Variants in JAM3 observed in about 807,000 individuals in gnomAD.
The protein encoded by JAM3 is junctional adhesion molecule C.
In JAM3, 31 loss-of-function variants were observed where a neutral mutation model predicts 39.4. That is an observed-to-expected ratio of 0.79 (90% CI 0.59 to 1.06). The LOEUF (loss-of-function observed/expected upper bound fraction) is 1.06, where lower values mean the gene tolerates loss of function less well. JAM3 is among the 50% of genes least tolerant of loss of function. JAM3 has a pLI of 0.00. For synonymous variants in JAM3, 182 were observed against 148.7 expected (o/e 1.22, Z -1.63); for missense variants, 455 against 391.4 (o/e 1.16, Z -1.37).
chr11:134,133,366 G>C (rs1485542596), intron 1 of JAM3, among the ~76,000 whole-genome samples: 1 of 152,132 alleles, frequency 6.6e-6, no homozygotes, highest in Non-Finnish European at 1.5e-5. Context: ...TCGTTGTCTT[G>C]TTCCTGATTG....
At chr11:134,069,218 C>T (rs1591763775) in intron 1 of JAM3, 59 bp downstream of exon 1, 11 of 1,575,388 alleles carry the variant, frequency 7.0e-6, no homozygotes, top group East Asian at 2.3e-5. Context: ...GGAAGCAGAG[C>T]GGGCCGAAGC....
chr11:134,096,388 G>A (rs886576325), intron 1 of JAM3, among the ~76,000 whole-genome samples: 1 of 152,242 alleles, frequency 6.6e-6, no homozygotes, highest in African/African-American at 2.4e-5. Flanking sequence ...CCATCCAGAA[G>A]GCCTGGGTCT....
chr11:134,144,339 G>A lies in JAM3; in HGVS notation c.355G>A (p.Ala119Thr), dbSNP rs764938157. 6.2e-7 allele frequency: 1 copy of A among 1,614,226 alleles called. No individual in the cohort carries two copies. Among genetic ancestry groups the A allele is most frequent in the South Asian group, 1.1e-5 (1 of 91,088 alleles). The change falls in exon 4 of 9, where the codon GCT (alanine) becomes ACT (threonine). Residue 119 changes from alanine (A) to threonine (T), a missense_variant. Coordinates refer to ENST00000299106, the MANE Select transcript of JAM3 (RefSeq NM_032801.5). ...DSALYRCEVV[A>T]RNDRKEIDEI... ...AGCCCTTTATCGCTGTGAGGTCGTT[G>A]CTCGAAATGACCGCAAGGAAATTGA...
At chr11:134,115,176 C>T (rs1015909562) in intron 1 of JAM3, among the ~76,000 whole-genome samples, 1 of 152,080 alleles carries the variant, frequency 6.6e-6, no homozygotes, top group African/African-American at 2.4e-5. Flanking sequence ...CTGAAATATA[C>T]TTTGATACTA....
intron 1 of JAM3, among the ~76,000 whole-genome samples, chr11:134,124,917 G>C (rs907868482): frequency 6.6e-6 from 1 of 152,214 alleles, no homozygotes; most frequent in Admixed American, 6.5e-5. Flanking sequence ...AGCGGGGACC[G>C]GGCATTGAAG....
At chr11:134,132,852 G>A (rs1445226128) in intron 1 of JAM3, among the ~76,000 whole-genome samples, 5 of 152,162 alleles carry the variant, frequency 3.3e-5, no homozygotes, top group African/African-American at 9.7e-5. Context: ...TTGGCACTGA[G>A]CCTCCAATGA....
rs764201146 is a variant in JAM3, at chr11:134,149,705, G to A, written c.*524G>A. On this transcript the variant is annotated 3_prime_UTR_variant, in exon 9 of 9. Coordinates refer to ENST00000299106, the MANE Select transcript of JAM3 (RefSeq NM_032801.5). The stretch of plus-strand genomic sequence containing the variant: ...TTCTTCTTAAAGGCTCTGCTGATCG[G>A]TGTTGCAGTGTCCATTGTGGAGAAG... The A allele has an allele frequency of 3.3e-5, 15 of 455,938 alleles. No homozygotes were observed. In the Middle Eastern group the frequency reaches 3.3e-3, roughly 99 times the overall value. 28.2% of individuals were successfully genotyped at this position (455,938 alleles called of 1,614,324 possible). A position where few individuals can be genotyped will look rare whatever the true frequency, so the allele number is the denominator to read the frequency against.
chr11:134,150,685 A>C lies in JAM3; in HGVS notation c.*1504A>C, dbSNP rs1347653976. 2 of 152,094 alleles carry C rather than the reference A, an allele frequency of 1.3e-5. No homozygotes were observed. Among genetic ancestry groups the C allele is most frequent in the Non-Finnish European group, 2.9e-5 (2 of 68,022 alleles). The allele number at this position is 152,094 out of a possible 1,614,324, so 9.4% of individuals were successfully genotyped here. A position where few individuals can be genotyped will look rare whatever the true frequency, so the allele number is the denominator to read the frequency against. On this transcript the variant is annotated 3_prime_UTR_variant, in exon 9 of 9. Coordinates refer to ENST00000299106, the MANE Select transcript of JAM3 (RefSeq NM_032801.5). Reference sequence around the variant, plus strand: ...TTTAATTATTTGTTAAGATTGTCTAAGGCCAAAGGCAATTGCGAAATCAAG... The same window carrying C: ...TTTAATTATTTGTTAAGATTGTCTACGGCCAAAGGCAATTGCGAAATCAAG...
chr11:134,127,139 TAGAA>T (rs142603345), intron 1 of JAM3, among the ~76,000 whole-genome samples: 2,236 of 152,282 alleles, frequency 0.015, 37 homozygotes, highest in Non-Finnish European at 0.019. Flanking sequence ...CAGAATGTAA[TAGAA>T]AGAGTGTTAG....
At chr11:134,146,174 G>A (rs768080269) in intron 6 of JAM3, 129 bp downstream of exon 6, 64 of 736,648 alleles carry the variant, frequency 8.7e-5, no homozygotes, top group Admixed American at 4.0e-4. Flanking sequence ...AGCTGCCTAG[G>A]TCCACCAGAA....
At chr11:134,139,567 G>T in intron 1 of JAM3, 2 of 434,438 alleles carry the variant, frequency 4.6e-6, no homozygotes, top group Non-Finnish European at 8.6e-6. Context: ...AATAGGAAAT[G>T]CTTAGACAAA....
chr11:134,111,202 G>T, intron 1 of JAM3, among the ~76,000 whole-genome samples: 1 of 134,426 alleles, frequency 7.4e-6, no homozygotes, highest in Non-Finnish European at 1.5e-5. Flanking sequence ...CGAGTGCAGT[G>T]GCGCGATCTC....
intron 1 of JAM3, among the ~76,000 whole-genome samples, chr11:134,072,314 A>AT (rs34630736): frequency 0.13 from 18,149 of 144,602 alleles, 1,166 homozygotes; most frequent in Middle Eastern, 0.17. Context: ...GTGAAGTTGG[A>AT]TTTTTTTTTT....
intron 1 of JAM3, among the ~76,000 whole-genome samples, chr11:134,082,045 C>G (rs1165228946): frequency 6.6e-6 from 1 of 152,156 alleles, no homozygotes; most frequent in African/African-American, 2.4e-5. Flanking sequence ...GGCCTATCGC[C>G]CCTTTGTCTT....
chr11:134,135,468 T>C (rs76257875), intron 1 of JAM3, among the ~76,000 whole-genome samples: 2,423 of 152,294 alleles, frequency 0.016, 61 homozygotes, highest in African/African-American at 0.053. Context: ...GTAATAAAGA[T>C]GAATAAATAC....
At chr11:134,123,273 A>G (rs111683340) in intron 1 of JAM3, among the ~76,000 whole-genome samples, 7,218 of 152,276 alleles carry the variant, frequency 0.047, 644 homozygotes, top group African/African-American at 0.16. Context: ...GCCAGACTGC[A>G]CGTACATCTA....
intron 1 of JAM3, among the ~76,000 whole-genome samples, chr11:134,073,015 A>G (rs889997474): frequency 6.6e-6 from 1 of 152,242 alleles, no homozygotes; most frequent in Non-Finnish European, 1.5e-5. Flanking sequence ...TTCTAGCAGT[A>G]TATGCAAATA....
intron 3 of JAM3, among the ~76,000 whole-genome samples, chr11:134,143,656 G>A (rs578132702): frequency 4.3e-4 from 66 of 152,316 alleles, no homozygotes; most frequent in Admixed American, 9.8e-4. Context: ...GTTTTCACCT[G>A]CCTTTGTCCT....
intron 1 of JAM3, among the ~76,000 whole-genome samples, chr11:134,093,831 A>G (rs368751095): frequency 3.6e-5 from 3 of 83,094 alleles, no homozygotes; most frequent in South Asian, 5.5e-4. Flanking sequence ...CATCTTATTC[A>G]TCATGTTCCA....
Sources: gnomAD v4.1 joint callset for allele counts (sites outside exome capture counted in the v4.1 genomes callset) on GRCh38, gnomAD v4.1.1 for gene constraint, MANE v1.5 for transcripts, NCBI Gene and HGNC (gene_info 2026-07-23, HGNC 2026-07-21) for gene names.